Variants in TRDMT1 observed in about 807,000 individuals in gnomAD.
The protein encoded by TRDMT1 is tRNA (cytosine(38)-C(5))-methyltransferase.
A neutral mutation model predicts 51.2 loss-of-function variants in TRDMT1; 49 were observed. The observed-to-expected ratio is 0.96, with a 90% CI of 0.76 to 1.21. The LOEUF is 1.21. TRDMT1 is among the 50% of genes most tolerant of loss of function. The probability of loss-of-function intolerance (pLI) is 0.00; values close to 1 mark genes in which losing one functional copy is unlikely to be tolerated. For synonymous variants in TRDMT1, 187 were observed against 164.6 expected, an observed-to-expected ratio of 1.14 and a Z score of -1.04; for missense variants, 534 against 462.3, an observed-to-expected ratio of 1.16 and a Z score of -1.42.
chr10:17,145,247 A>AAAAC lies in TRDMT1; in HGVS notation c.*3792_*3793insGTTT, dbSNP rs1838000007. The stretch of plus-strand genomic sequence containing the variant: ...AGGCAACAGAGCGAGACTCAGTCTC[A>AAAAC]AAAACAAAACAAAACAAAACAAAAC... On this transcript the variant is annotated 3_prime_UTR_variant, in exon 11 of 11. Coordinates refer to ENST00000377799, the MANE Select transcript of TRDMT1 (RefSeq NM_004412.7). The AAAAC allele has an allele frequency of 6.4e-6, 5 of 786,880 alleles. No homozygotes were observed. The highest frequency in any genetic ancestry group is 6.1e-6 in the Non-Finnish European group (4 of 651,810). 48.7% of individuals were successfully genotyped at this position (786,880 alleles called of 1,614,324 possible).
intron 2 of TRDMT1, among the ~76,000 whole-genome samples, chr10:17,171,131 G>C (rs899520187): frequency 1.3e-5 from 2 of 151,862 alleles, no homozygotes; most frequent in Non-Finnish European, 2.9e-5. Context: ...GTGTGTGTGT[G>C]TGTGTGTGTG....
chr10:17,178,949 A>G (rs1319334082), intron 1 of TRDMT1, among the ~76,000 whole-genome samples: 1 of 152,174 alleles, frequency 6.6e-6, no homozygotes, highest in Non-Finnish European at 1.5e-5. Flanking sequence ...CGTCCTTGAC[A>G]CTATATCTTA....
chr10:17,197,529 G>A (rs531372122), intron 1 of TRDMT1, among the ~76,000 whole-genome samples: 1 of 152,300 alleles, frequency 6.6e-6, no homozygotes, highest in Non-Finnish European at 1.5e-5. Context: ...AATCTATCAT[G>A]TTGCTAAAGA....
At chr10:17,192,097 A>G (rs185687777) in intron 1 of TRDMT1, among the ~76,000 whole-genome samples, 10 of 152,304 alleles carry the variant, frequency 6.6e-5, no homozygotes, top group African/African-American at 2.2e-4. Context: ...GTCTGACAAG[A>G]CAGGAGAGAG....
intron 1 of TRDMT1, chr10:17,201,332 T>C (rs941976885): frequency 6.1e-6 from 3 of 490,732 alleles, no homozygotes; most frequent in Non-Finnish European, 1.1e-5. Context: ...ACTGGGCCCT[T>C]TGAGGCGCCA....
chr10:17,160,417 C>G, intron 5 of TRDMT1, 43 bp from the exon 6 acceptor site: 2 of 1,314,378 alleles, frequency 1.5e-6, no homozygotes, highest in Non-Finnish European at 2.1e-6. Flanking sequence ...CTTGGAAAGG[C>G]AGTTCTTATT....
At chr10:17,150,893 C>G (rs1027981327) in intron 10 of TRDMT1, 1 of 985,264 alleles carries the variant, frequency 1.0e-6, no homozygotes, top group African/African-American at 1.7e-5. Flanking sequence ...TACAAACAGG[C>G]TTTTAGACTA....
chr10:17,178,675 C>T (rs1222674145), intron 1 of TRDMT1, among the ~76,000 whole-genome samples: 1 of 105,162 alleles, frequency 9.5e-6, no homozygotes, highest in Non-Finnish European at 1.7e-5. Flanking sequence ...GACTCTGTCT[C>T]GGAAAAAAAA....
chr10:17,183,464 C>A (rs900543657), intron 1 of TRDMT1, among the ~76,000 whole-genome samples: 2 of 152,140 alleles, frequency 1.3e-5, no homozygotes, highest in African/African-American at 4.8e-5. Context: ...GTCACCCAGG[C>A]TGGAGTGCCG....
intron 7 of TRDMT1, 42 bp from the exon 8 acceptor site, chr10:17,157,826 T>TA (rs767498659): frequency 3.1e-5 from 45 of 1,434,622 alleles, no homozygotes; most frequent in Admixed American, 1.4e-4. Flanking sequence ...AAAGTTGCAT[T>TA]AAAAATAAGA....
intron 5 of TRDMT1, among the ~76,000 whole-genome samples, chr10:17,160,622 C>A (rs954393961): frequency 2.6e-5 from 4 of 152,068 alleles, no homozygotes; most frequent in Non-Finnish European, 5.9e-5. Flanking sequence ...AGGCACCCAC[C>A]ACCACGCCTG....
chr10:17,190,483 T>G (rs1844544954), intron 1 of TRDMT1, among the ~76,000 whole-genome samples: 1 of 151,282 alleles, frequency 6.6e-6, no homozygotes, highest in African/African-American at 2.4e-5. Flanking sequence ...CATAGCTCAC[T>G]GTTAGCATAT....
At chr10:17,199,382 G>A (rs1845857682) in intron 1 of TRDMT1, among the ~76,000 whole-genome samples, 1 of 152,124 alleles carries the variant, frequency 6.6e-6, no homozygotes, top group Admixed American at 6.6e-5. Context: ...AAGCTAGAGT[G>A]AAAAAGTCTG....
chr10:17,200,113 T>C (rs1162968230), intron 1 of TRDMT1, among the ~76,000 whole-genome samples: 1 of 152,248 alleles, frequency 6.6e-6, no homozygotes, highest in Non-Finnish European at 1.5e-5. Flanking sequence ...AGTCTTACTG[T>C]TGAATTAATT....
At chr10:17,180,900 T>C (rs923926887) in intron 1 of TRDMT1, among the ~76,000 whole-genome samples, 1 of 152,238 alleles carries the variant, frequency 6.6e-6, no homozygotes, top group Non-Finnish European at 1.5e-5. Flanking sequence ...TTCTCCTTAG[T>C]GCTCAGTCTC....
intron 3 of TRDMT1, among the ~76,000 whole-genome samples, chr10:17,164,582 C>T (rs1156473995): frequency 6.6e-6 from 1 of 152,054 alleles, no homozygotes; most frequent in African/African-American, 2.4e-5. Flanking sequence ...TCAAATTGTC[C>T]CTGTTTGCAG....
chr10:17,191,767 T>C (rs1844717015), intron 1 of TRDMT1, among the ~76,000 whole-genome samples: 1 of 152,084 alleles, frequency 6.6e-6, no homozygotes, highest in African/African-American at 2.4e-5. Context: ...CTGGCTCCTT[T>C]CTCATCCTGT....
rs1157482687 is a variant in TRDMT1, at chr10:17,141,174, AT to A, written c.*7865del. Among the ~76,000 whole-genome samples the A allele has an allele frequency of 6.6e-6, 1 of 151,748 alleles. No individual in the cohort carries two copies. Among genetic ancestry groups the A allele is most frequent in the Non-Finnish European group, 1.5e-5 (1 of 67,910 alleles). ...TCCAGCTGCTTTTATTTATTTATTTATTTTTTTGAGACGGAGTCTCACTCTG... is the reference window on the plus strand; with the variant it reads ...TCCAGCTGCTTTTATTTATTTATTTATTTTTTGAGACGGAGTCTCACTCTG... On this transcript the variant is annotated 3_prime_UTR_variant, in exon 11 of 11. Transcript: ENST00000377799.
intron 1 of TRDMT1, among the ~76,000 whole-genome samples, chr10:17,195,223 C>A (rs1037628661): frequency 3.9e-5 from 6 of 152,084 alleles, no homozygotes; most frequent in Non-Finnish European, 7.3e-5. Context: ...CAATGGCGGA[C>A]TGAATTAAGA....
Sources: gnomAD v4.1 joint callset for allele counts (sites outside exome capture counted in the v4.1 genomes callset) on GRCh38, gnomAD v4.1.1 for gene constraint, MANE v1.5 for transcripts, NCBI Gene and HGNC (gene_info 2026-07-23, HGNC 2026-07-21) for gene names.